The following NT5DC1 variants were observed in gnomAD, a reference collection of about 807,000 sequenced individuals.
The protein encoded by NT5DC1 is 5'-nucleotidase domain containing 1, also known as 5'-nucleotidase domain-containing protein 1.
In NT5DC1, 42 loss-of-function variants were observed where a neutral mutation model predicts 59.4. That is an observed-to-expected ratio of 0.71 (90% CI 0.55 to 0.92). The LOEUF is 0.92. NT5DC1 is among the 40% of genes least tolerant of loss of function. The probability of loss-of-function intolerance (pLI) is 0.00; values close to 1 mark genes in which losing one functional copy is unlikely to be tolerated. For synonymous variants in NT5DC1, 172 were observed against 188.1 expected (o/e 0.91, Z 0.70); for missense variants, 501 against 537.1 (o/e 0.93, Z 0.66).
intron 6 of NT5DC1, among the ~76,000 whole-genome samples, chr6:116,147,882 G>T (rs1779937830): frequency 6.6e-6 from 1 of 151,978 alleles, no homozygotes; most frequent in African/African-American, 2.4e-5. Context: ...TTAAAAAGGT[G>T]GAGGCAGGCA....
intron 8 of NT5DC1, among the ~76,000 whole-genome samples, chr6:116,227,997 T>C (rs1403766779): frequency 6.6e-6 from 1 of 152,228 alleles, no homozygotes; most frequent in African/African-American, 2.4e-5. Flanking sequence ...TTTTGTTGTC[T>C]GTGCATTTCG....
chr6:116,211,393 C>A (rs932052693), intron 6 of NT5DC1, among the ~76,000 whole-genome samples: 3 of 151,848 alleles, frequency 2.0e-5, no homozygotes, highest in Admixed American at 6.6e-5. Context: ...ATAAAAAACC[C>A]AATACAATGA....
chr6:116,137,794 C>T (rs1779649573), intron 6 of NT5DC1, among the ~76,000 whole-genome samples: 1 of 152,118 alleles, frequency 6.6e-6, no homozygotes, highest in African/African-American at 2.4e-5. Context: ...AGAAAATGCC[C>T]AGCTTGGCCG....
intron 6 of NT5DC1, among the ~76,000 whole-genome samples, chr6:116,133,234 C>G (rs1582823786): frequency 6.6e-6 from 1 of 152,180 alleles, no homozygotes; most frequent in Admixed American, 6.5e-5. Context: ...CTAAGATCTT[C>G]AGGGATCTTG....
chr6:116,241,944 C>CAAAAAAAAAAAAAAAAAAAAAAAA, intron 11 of NT5DC1, among the ~76,000 whole-genome samples: 1 of 34,414 alleles, frequency 2.9e-5, no homozygotes, highest in Non-Finnish European at 4.4e-5. Context: ...AAAAACAAAA[C>CAAAAAAAAAAAAAAAAAAAAAAAA]AAAAAAAAAA....
At chr6:116,166,088 TA>T (rs1421815741) in intron 6 of NT5DC1, among the ~76,000 whole-genome samples, 1 of 151,996 alleles carries the variant, frequency 6.6e-6, no homozygotes, top group Non-Finnish European at 1.5e-5. Flanking sequence ...GTCAGCAGCT[TA>T]TTGCAGGGGT....
chr6:116,160,271 A>G (rs905241271), intron 6 of NT5DC1, among the ~76,000 whole-genome samples: 9 of 151,998 alleles, frequency 5.9e-5, no homozygotes, highest in African/African-American at 1.9e-4. Context: ...ATCCTCTCCA[A>G]CATCTGTTAT....
At chr6:116,150,359 A>G (rs1438564366) in intron 6 of NT5DC1, among the ~76,000 whole-genome samples, 1 of 152,026 alleles carries the variant, frequency 6.6e-6, no homozygotes, top group Non-Finnish European at 1.5e-5. Flanking sequence ...GTCTTGGCTC[A>G]CTGCAACCTC....
intron 4 of NT5DC1, among the ~76,000 whole-genome samples, chr6:116,115,482 A>G (rs1778946796): frequency 6.6e-6 from 1 of 152,186 alleles, no homozygotes; most frequent in African/African-American, 2.4e-5. Context: ...TAACTTCTAG[A>G]TATCATCTTT....
intron 6 of NT5DC1, among the ~76,000 whole-genome samples, chr6:116,220,175 T>C (rs1037313180): frequency 1.4e-4 from 20 of 140,620 alleles, no homozygotes; most frequent in African/African-American, 4.5e-4. Context: ...TCCTAACAAT[T>C]AGAGAAAGTA....
At chr6:116,233,983 T>TG (rs945786219) in intron 8 of NT5DC1, among the ~76,000 whole-genome samples, 1 of 148,658 alleles carries the variant, frequency 6.7e-6, no homozygotes, top group African/African-American at 2.5e-5. Context: ...AACTGTTTTT[T>TG]TTTTTTTTTT....
intron 6 of NT5DC1, among the ~76,000 whole-genome samples, chr6:116,161,000 A>G (rs995761446): frequency 6.6e-6 from 1 of 152,034 alleles, no homozygotes; most frequent in African/African-American, 2.4e-5. Context: ...ACCATGGAAT[A>G]CTATGCAGCC....
At chr6:116,145,754 A>T (rs372990577) in intron 6 of NT5DC1, among the ~76,000 whole-genome samples, 2 of 152,198 alleles carry the variant, frequency 1.3e-5, no homozygotes, top group Non-Finnish European at 2.9e-5. Flanking sequence ...TCATTTCCAG[A>T]TACTTACCAA....
At chr6:116,232,768 ACT>A in intron 8 of NT5DC1, among the ~76,000 whole-genome samples, 1 of 152,298 alleles carries the variant, frequency 6.6e-6, no homozygotes, top group East Asian at 1.9e-4. Flanking sequence ...CAAAAACTTT[ACT>A]GTTTTTTAAA....
chr6:116,146,427 A>T (rs542406277), intron 6 of NT5DC1, among the ~76,000 whole-genome samples: 1 of 152,338 alleles, frequency 6.6e-6, no homozygotes, highest in South Asian at 2.1e-4. Context: ...CCATGACAAT[A>T]AGTAAATAAC....
chr6:116,219,977 A>C lies in NT5DC1; in HGVS notation c.530-1077A>C, dbSNP rs1027682829. On this transcript the variant is annotated intron_variant, in intron 6 of 11. Transcript: ENST00000319550. ...ACTCTGTCTCAAAAAAAAAAAAAAA[A>C]AAAAAAACAACTCTTCTTCCTGATG... Among the ~76,000 whole-genome samples, 995 of 149,538 alleles carry C rather than the reference A, an allele frequency of 6.7e-3. 11 individuals carry two copies. The highest frequency in any genetic ancestry group is 0.011 in the Non-Finnish European group (709 of 67,434).
chr6:116,120,084 C>G lies in NT5DC1; in HGVS notation c.529+2139C>G, dbSNP rs757586577. The G allele has an allele frequency of 1.9e-6, 3 of 1,613,772 alleles. No homozygotes were observed. In the East Asian group the frequency reaches 6.7e-5, roughly 36 times the overall value. ...AGCTCTGTGTGTACTCACATTGGAG[C>G]CACTAGGAATCCTGAGAAAGAGGAG... On this transcript the variant is annotated intron_variant, in intron 6 of 11. Coordinates refer to ENST00000319550, the MANE Select transcript of NT5DC1 (RefSeq NM_152729.3).
intron 6 of NT5DC1, among the ~76,000 whole-genome samples, chr6:116,212,835 G>C (rs1239667644): frequency 6.6e-6 from 1 of 152,048 alleles, no homozygotes; most frequent in Non-Finnish European, 1.5e-5. Flanking sequence ...TGTAGAATTT[G>C]CTTTAAATAC....
chr6:116,147,361 G>A (rs1357585818), intron 6 of NT5DC1, among the ~76,000 whole-genome samples: 2 of 151,940 alleles, frequency 1.3e-5, no homozygotes, highest in African/African-American at 4.8e-5. Context: ...GAAATTGCTT[G>A]AACCCGGGAG....
Sources: allele counts gnomAD v4.1 joint callset (sites outside exome capture counted in the v4.1 genomes callset), GRCh38; gene constraint gnomAD v4.1.1; transcripts MANE v1.5; gene names NCBI Gene and HGNC (gene_info 2026-07-23, HGNC 2026-07-21).